TRIM62: variants seen among roughly 807,000 people sequenced by gnomAD.
TRIM62 encodes E3 ubiquitin-protein ligase TRIM62.
A neutral mutation model predicts 44.2 loss-of-function variants in TRIM62; 39 were observed. The observed-to-expected ratio is 0.88, with a 90% CI of 0.68 to 1.15. The LOEUF (loss-of-function observed/expected upper bound fraction) is 1.15, where lower values mean the gene tolerates loss of function less well. Ranked by LOEUF, TRIM62 falls within the 50% of genes most tolerant of loss-of-function variation. The pLI is 0.00. For missense variants in TRIM62, 544 were observed against 665.5 expected, an observed-to-expected ratio of 0.82 and a Z score of 2.01; for synonymous variants, 278 against 292.3, an observed-to-expected ratio of 0.95 and a Z score of 0.50.
rs1278316476 is a variant in TRIM62, at chr1:33,177,263, A to C, written c.408+3762T>G. 6.6e-6 allele frequency among the ~76,000 whole-genome samples: 1 copy of C among 152,214 alleles called. No individual in the cohort carries two copies. Among genetic ancestry groups the C allele is most frequent in the Non-Finnish European group, 1.5e-5 (1 of 68,034 alleles). On this transcript the variant is annotated intron_variant, in intron 1 of 4. Coordinates refer to ENST00000291416, the MANE Select transcript of TRIM62 (RefSeq NM_018207.3). This position sits in a 1 kb window ranked among gnomAD's most constrained non-coding sequence, Gnocchi z 4.1. The stretch of plus-strand genomic sequence containing the variant: ...TTATACAGCTCTGCTTCTTATGTTA[A>C]TTTTATAATCAGAATAAAGACATTT...
chr1:33,157,240 C>T (rs1645191754), intron 4 of TRIM62, among the ~76,000 whole-genome samples: 2 of 152,164 alleles, frequency 1.3e-5, no homozygotes, highest in Non-Finnish European at 1.5e-5. Flanking sequence ...TCTCACTCAT[C>T]TCCCTCCAGC....
intron 1 of TRIM62, among the ~76,000 whole-genome samples, chr1:33,173,566 A>G (rs1645390879): frequency 6.6e-6 from 1 of 151,966 alleles, no homozygotes; most frequent in African/African-American, 2.4e-5. Context: ...AACCACCTGA[A>G]CACATGTGTG....
chr1:33,158,428 G>A (rs75229020), intron 3 of TRIM62, 60 bp from the exon 4 acceptor site: 7 of 1,459,504 alleles, frequency 4.8e-6, no homozygotes, highest in Non-Finnish European at 6.7e-6. Flanking sequence ...CCAATGCCAG[G>A]GGCCCCGCAG....
At chr1:33,176,175 C>A (rs1338318764) in intron 1 of TRIM62, among the ~76,000 whole-genome samples, 1 of 152,230 alleles carries the variant, frequency 6.6e-6, no homozygotes, top group Non-Finnish European at 1.5e-5. Flanking sequence ...CCTGTCCATG[C>A]TACAAAATAA....
chr1:33,149,595 T>C (rs912474931), intron 4 of TRIM62, among the ~76,000 whole-genome samples: 5 of 151,834 alleles, frequency 3.3e-5, no homozygotes, highest in African/African-American at 9.7e-5. Context: ...GCTGAGACTA[T>C]AGGCATGCAT....
chr1:33,162,289 A>T (rs1489439879), intron 2 of TRIM62, among the ~76,000 whole-genome samples: 1 of 152,032 alleles, frequency 6.6e-6, no homozygotes, highest in East Asian at 1.9e-4. Flanking sequence ...TTGCAACTCC[A>T]CCTGCCTAGA....
In TRIM62 at chr1:33,162,152, C is replaced by G. The variant is rs554546850; in HGVS notation, c.505-2208G>C. Among the ~76,000 whole-genome samples the G allele has an allele frequency of 2.6e-5, 4 of 152,334 alleles. No individual in the cohort carries two copies. The East Asian group carries it at 7.7e-4, about 29-fold the overall frequency. On this transcript the variant is annotated intron_variant, in intron 2 of 4. Transcript: ENST00000291416. ...GATCCTTCTAAAGTGCCAACTGAAT[C>G]ACAGATGATCCTGAGTTTAGGAACC...
At chr1:33,155,510 C>T (rs986990025) in intron 4 of TRIM62, among the ~76,000 whole-genome samples, 1 of 152,088 alleles carries the variant, frequency 6.6e-6, no homozygotes, top group African/African-American at 2.4e-5. Context: ...GTCTCCCCAG[C>T]CTCCTTCCTG....
At chr1:33,151,072 T>C (rs1323666654) in intron 4 of TRIM62, among the ~76,000 whole-genome samples, 2 of 152,022 alleles carry the variant, frequency 1.3e-5, no homozygotes, top group Non-Finnish European at 2.9e-5. Flanking sequence ...GTAGCTTATG[T>C]AGGACAATGT....
At chr1:33,179,078 C>A (rs1293414151) in intron 1 of TRIM62, among the ~76,000 whole-genome samples, 1 of 152,226 alleles carries the variant, frequency 6.6e-6, no homozygotes, top group Admixed American at 6.5e-5. Flanking sequence ...CTTCTCCAGG[C>A]CTCACTTTCC....
At chr1:33,152,308 G>A (rs1176619857) in intron 4 of TRIM62, among the ~76,000 whole-genome samples, 1 of 152,226 alleles carries the variant, frequency 6.6e-6, no homozygotes, top group Non-Finnish European at 1.5e-5. Flanking sequence ...GCTCACGCCC[G>A]TAATTCCAGC....
In TRIM62 at chr1:33,157,018, C is replaced by G. The variant is rs192668805; in HGVS notation, c.877+1235G>C. Among the ~76,000 whole-genome samples the G allele has an allele frequency of 1.6e-3, 241 of 151,378 alleles. 7 individuals carry two copies. In the East Asian group the frequency reaches 0.041, roughly 26 times the overall value. ...AGTGGTCTCCTAACCCATTTCCCAG[C>G]CCCCATCCTTCACCCCCTTCGGTCT... On this transcript the variant is annotated intron_variant, in intron 4 of 4. Coordinates refer to ENST00000291416, the MANE Select transcript of TRIM62 (RefSeq NM_018207.3).
Position 33,181,110 on chromosome 1 carries a change from G to A in TRIM62, c.323C>T (p.Ala108Val), listed in dbSNP as rs1645458930. The A allele has an allele frequency of 6.2e-7, 1 of 1,600,136 alleles. No individual in the cohort carries two copies. The highest frequency in any genetic ancestry group is 8.5e-7 in the Non-Finnish European group (1 of 1,178,730). ...KVKLFCLTDR[A>V]LLCFFCDEPA... Reference sequence around the variant, plus strand: ...CTCGTCGCAGAAGAAGCAGAGAAGCGCGCGGTCCGTGAGGCAGAAGAGCTT... The same window carrying A: ...CTCGTCGCAGAAGAAGCAGAGAAGCACGCGGTCCGTGAGGCAGAAGAGCTT... The change falls in exon 1 of 5, where the codon GCG becomes GTG. Residue 108 changes from alanine to valine, a missense_variant. Transcript: ENST00000291416. This position sits in a 1 kb window ranked among gnomAD's most constrained non-coding sequence, Gnocchi z 6.5.
At position 33,167,195 on chromosome 1, in the gene TRIM62, C is replaced by T. The variant is rs1027240971; in HGVS notation, c.409-1629G>A. ...AAGAGTCTTGCCTGACCGCCCCACG[C>T]ACAGTGGCACCTCCTCATACCCTGT... On this transcript the variant is annotated intron_variant, in intron 1 of 4. Coordinates refer to ENST00000291416, the MANE Select transcript of TRIM62 (RefSeq NM_018207.3). This position sits in a 1 kb window ranked among gnomAD's most constrained non-coding sequence, Gnocchi z 4.2. Among the ~76,000 whole-genome samples the T allele has an allele frequency of 6.6e-6, 1 of 152,206 alleles. No individual in the cohort carries two copies. Among genetic ancestry groups the T allele is most frequent in the African/African-American group, 2.4e-5 (1 of 41,454 alleles).
intron 1 of TRIM62, among the ~76,000 whole-genome samples, chr1:33,178,166 C>T (rs1366456054): frequency 6.6e-6 from 1 of 152,212 alleles, no homozygotes; most frequent in African/African-American, 2.4e-5. Context: ...TCTCCCTCTC[C>T]TGTTTCCCCA....
In TRIM62 at chr1:33,147,779, C is replaced by T. The variant is rs1645041304; in HGVS notation, c.878-52G>A. On this transcript the variant is annotated intron_variant, in intron 4 of 4. Coordinates refer to ENST00000291416, the MANE Select transcript of TRIM62 (RefSeq NM_018207.3). The surrounding 1 kb of genome is among the most constrained non-coding windows in gnomAD (Gnocchi z 8.1). ...GATGAGTGGGGAGAAGGCTGTGGAC[C>T]CACCATGCAGTGCCTTCCTGAGGGC... 2 of 1,569,654 alleles carry T rather than the reference C, an allele frequency of 1.3e-6. No homozygotes were observed. Among genetic ancestry groups the T allele is most frequent in the Non-Finnish European group, 1.7e-6 (2 of 1,154,944 alleles).
rs765802043 is a variant in TRIM62 at position 33,180,998 on chromosome 1, C to A, written c.408+27G>T. 3.2e-6 allele frequency: 5 copies of A among 1,550,144 alleles called. No homozygotes were observed. The South Asian group carries it at 5.8e-5, about 18-fold the overall frequency. ...CCCCACCTCCAGCCCGGCCCCGCCCCTTCCCCAGGCAGGCCGGGTAGCGCA... is the reference window on the plus strand; with the variant it reads ...CCCCACCTCCAGCCCGGCCCCGCCCATTCCCCAGGCAGGCCGGGTAGCGCA... On this transcript the variant is annotated intron_variant, in intron 1 of 4. Transcript: ENST00000291416.
At chr1:33,176,451 A>G (rs1046211134) in intron 1 of TRIM62, 116 of 696,594 alleles carry the variant, frequency 1.7e-4, no homozygotes, top group Non-Finnish European at 2.5e-4. Flanking sequence ...CTTCTCTGGC[A>G]TGAAGGAAGC....
intron 4 of TRIM62, among the ~76,000 whole-genome samples, chr1:33,149,624 T>C (rs1272963914): frequency 1.3e-5 from 2 of 151,602 alleles, no homozygotes; most frequent in Non-Finnish European, 2.9e-5. Context: ...GCAGCTAATT[T>C]TTAAATTTTT....
Sources: gnomAD v4.1 joint callset for allele counts (sites outside exome capture counted in the v4.1 genomes callset) on GRCh38, gnomAD v4.1.1 for gene constraint, Gnocchi (gnomAD v3.1) non-coding constraint, MANE v1.5 for transcripts, NCBI Gene and HGNC (gene_info 2026-07-23, HGNC 2026-07-21) for gene names.